Variants in CCDC73 observed in about 807,000 individuals in gnomAD.
CCDC73 encodes coiled-coil domain-containing protein 73.
In CCDC73, 95 loss-of-function variants were observed where a neutral mutation model predicts 116.5. That is an observed-to-expected ratio of 0.82 (90% confidence interval 0.69 to 0.97). The LOEUF is 0.97. Among genes scored for constraint, CCDC73 ranks in the 50% least tolerant of loss-of-function variants. CCDC73 has a pLI of 0.00. For missense variants in CCDC73, 1,066 were observed against 1,206.8 expected, an observed-to-expected ratio of 0.88 and a Z score of 1.73; for synonymous variants, 398 against 401.3, an observed-to-expected ratio of 0.99 and a Z score of 0.10.
chr11:32,609,942 G>C (rs1855404202), intron 17 of CCDC73, among the ~76,000 whole-genome samples: 1 of 128,146 alleles, frequency 7.8e-6, no homozygotes, highest in African/African-American at 3.3e-5. Context: ...ACCAAGCCCA[G>C]CTAATTTTTT....
chr11:32,653,314 C>T, intron 11 of CCDC73, 87 bp from the exon 12 acceptor site: 1 of 778,200 alleles, frequency 1.3e-6, no homozygotes, highest in Non-Finnish European at 2.1e-6. Context: ...TTCTAGTTTC[C>T]TAACTCACTG....
In CCDC73 at chr11:32,752,168, G is replaced by A. The variant is rs111967413; in HGVS notation, c.135+7941C>T. ...AGAGTACTTACCAAGCCTCTGCTTA[G>A]TAACATGCTTGCTAATATTTCGTTG... On this transcript the variant is annotated intron_variant, in intron 2 of 17. Coordinates refer to ENST00000335185, the MANE Select transcript of CCDC73 (RefSeq NM_001008391.4). Among the ~76,000 whole-genome samples, 447 of 152,318 alleles carry A rather than the reference G, an allele frequency of 2.9e-3. 1 individual carries two copies. Among genetic ancestry groups the A allele is most frequent in the Admixed American group, 7.5e-3 (115 of 15,300 alleles).
the CCDC73 span, among the ~76,000 whole-genome samples, chr11:32,804,929 T>C: frequency 6.6e-6 from 1 of 152,172 alleles, no homozygotes; most frequent in African/African-American, 2.4e-5. Flanking sequence ...TCCTTCAAAA[T>C]TAGTTCAGAA....
chr11:32,769,728 T>C (rs1349251388), intron 1 of CCDC73, among the ~76,000 whole-genome samples: 1 of 152,204 alleles, frequency 6.6e-6, no homozygotes, highest in African/African-American at 2.4e-5. Context: ...CTCTTCCATG[T>C]ATATCCCTAC....
In CCDC73 at chr11:32,614,755, G is replaced by A; in HGVS notation, c.1563C>T (p.Cys521=). 3.1e-6 allele frequency: 5 copies of A among 1,612,940 alleles called. No individual in the cohort carries two copies. Among genetic ancestry groups the A allele is most frequent in the Non-Finnish European group, 4.2e-6 (5 of 1,179,490 alleles). Residue 521 remains cysteine (C), a synonymous_variant, in exon 16 of 18, where the codon TGC becomes TGT. Transcript: ENST00000335185. The stretch of plus-strand genomic sequence containing the variant: ...CTGTACATCCATTGTCTTTTTCCAA[G>A]CATATCTTGTCTTTTATTTCTGTAG... ...SVTTEIKDKI[C]LEKDNGCTEF...
chr11:32,676,154 ACT>A (rs1196334252), intron 7 of CCDC73, 133 bp from the exon 8 acceptor site: 2 of 597,356 alleles, frequency 3.3e-6, no homozygotes, highest in Admixed American at 8.0e-5. Context: ...ATTTAAAAGT[ACT>A]CTCTGAGTAA....
chr11:32,700,127 T>C (rs11031941), intron 5 of CCDC73, among the ~76,000 whole-genome samples: 41,093 of 151,640 alleles, frequency 0.27, 6,450 homozygotes, highest in East Asian at 0.79. Flanking sequence ...ATTTAATTCA[T>C]ACAACTAGAA....
chr11:32,799,056 T>C (rs1850750374), upstream of CCDC73, among the ~76,000 whole-genome samples: 2 of 151,026 alleles, frequency 1.3e-5, no homozygotes, highest in South Asian at 4.2e-4. Context: ...ACCACAGGAG[T>C]GCACCACCAC....
intron 2 of CCDC73, among the ~76,000 whole-genome samples, chr11:32,720,267 C>T (rs1381988094): frequency 7.2e-5 from 11 of 152,174 alleles, no homozygotes; most frequent in East Asian, 1.9e-4. Flanking sequence ...TACATCAATA[C>T]GCTAATCATA....
chr11:32,645,552 G>A (rs1168834296), intron 12 of CCDC73, among the ~76,000 whole-genome samples: 2 of 151,766 alleles, frequency 1.3e-5, no homozygotes, highest in African/African-American at 2.4e-5. Flanking sequence ...GCCTCCCAAA[G>A]TGCTGGGATT....
At chr11:32,738,495 A>C (rs941306821) in intron 2 of CCDC73, among the ~76,000 whole-genome samples, 1 of 152,070 alleles carries the variant, frequency 6.6e-6, no homozygotes, top group Non-Finnish European at 1.5e-5. Flanking sequence ...TGCGATTTGT[A>C]TGCCTTCTTT....
chr11:32,635,259 G>T (rs1037134764), intron 14 of CCDC73, among the ~76,000 whole-genome samples: 11 of 152,042 alleles, frequency 7.2e-5, no homozygotes, highest in African/African-American at 2.4e-4. Flanking sequence ...AATAGAAAAA[G>T]CTTTTTTGGA....
At chr11:32,670,599 C>A (rs17250415) in intron 9 of CCDC73, among the ~76,000 whole-genome samples, 2,064 of 152,012 alleles carry the variant, frequency 0.014, 25 homozygotes, top group Admixed American at 0.027. Context: ...AACGCAATGT[C>A]CTATTGATAA....
chr11:32,735,206 A>G (rs1321552424), intron 2 of CCDC73, among the ~76,000 whole-genome samples: 6 of 152,190 alleles, frequency 3.9e-5, no homozygotes, highest in Non-Finnish European at 5.9e-5. Flanking sequence ...AGGATATTCA[A>G]TTAGGGAAAG....
At chr11:32,641,907 ATAGT>A (rs1855736206) in intron 13 of CCDC73, 61 bp downstream of exon 13, 1 of 1,149,470 alleles carries the variant, frequency 8.7e-7, no homozygotes, top group African/African-American at 1.6e-5. Flanking sequence ...CTTAGCATTT[ATAGT>A]TATTTTAAAT....
At chr11:32,828,233 G>A in the CCDC73 span, among the ~76,000 whole-genome samples, 29 of 152,260 alleles carry the variant, frequency 1.9e-4, no homozygotes, top group African/African-American at 6.5e-4. Context: ...TTGAGGCCGG[G>A]CACAGTGGCT....
At chr11:32,755,857 G>A (rs144517031) in intron 2 of CCDC73, among the ~76,000 whole-genome samples, 29,506 of 62,936 alleles carry the variant, frequency 0.47, 8,039 homozygotes, top group East Asian at 0.77. Flanking sequence ...ATATGTGTGT[G>A]TATATATCTC....
At chr11:32,793,043 TA>T (rs1850690821) in intron 1 of CCDC73, among the ~76,000 whole-genome samples, 1 of 152,134 alleles carries the variant, frequency 6.6e-6, no homozygotes. Context: ...CGAAAGAAAC[TA>T]AAAACCCTAT....
At chr11:32,712,699 G>C (rs953545479) in intron 3 of CCDC73, among the ~76,000 whole-genome samples, 1 of 151,740 alleles carries the variant, frequency 6.6e-6, no homozygotes, top group South Asian at 2.1e-4. Flanking sequence ...CAATAAGTCT[G>C]TCATATAATC....
Sources: gnomAD v4.1 joint callset for allele counts (sites outside exome capture counted in the v4.1 genomes callset) on GRCh38, gnomAD v4.1.1 for gene constraint, MANE v1.5 for transcripts, NCBI Gene and HGNC (gene_info 2026-07-23, HGNC 2026-07-21) for gene names.